Variants in SPMAP2L observed in about 807,000 individuals in gnomAD.
The protein encoded by SPMAP2L is sperm microtubule associated protein 2-like.
chr4:56,536,955 G>T, the SPMAP2L span, among the ~76,000 whole-genome samples: 1 of 152,032 alleles, frequency 6.6e-6, no homozygotes, highest in South Asian at 2.1e-4. Flanking sequence ...GTAGAGACAG[G>T]GTTTCACCAT....
the SPMAP2L span, among the ~76,000 whole-genome samples, chr4:56,547,858 T>A: frequency 6.6e-6 from 1 of 152,198 alleles, no homozygotes; most frequent in Non-Finnish European, 1.5e-5. Context: ...AAACCCAGCT[T>A]ATAAACGAGA....
At chr4:56,592,756 G>A in the SPMAP2L span, among the ~76,000 whole-genome samples, 2 of 152,022 alleles carry the variant, frequency 1.3e-5, no homozygotes, top group Admixed American at 1.3e-4. Flanking sequence ...GGGCGCCGTG[G>A]GGCCGGGACA....
the SPMAP2L span, among the ~76,000 whole-genome samples, chr4:56,588,558 A>G: frequency 1.3e-5 from 2 of 151,928 alleles, no homozygotes; most frequent in African/African-American, 4.8e-5. Flanking sequence ...CAGCCTCCCA[A>G]GTAGCTGGGA....
At chr4:56,578,351 T>A in the SPMAP2L span, among the ~76,000 whole-genome samples, 1 of 151,956 alleles carries the variant, frequency 6.6e-6, no homozygotes. Context: ...TTTTAAAATG[T>A]AATAAAATAA....
the SPMAP2L span, among the ~76,000 whole-genome samples, chr4:56,624,589 G>T: frequency 6.6e-6 from 1 of 152,216 alleles, no homozygotes; most frequent in Non-Finnish European, 1.5e-5. Context: ...CTAGGGACTT[G>T]GTGCTCTGTG....
the SPMAP2L span, chr4:56,595,186 T>A: frequency 6.2e-7 from 1 of 1,611,612 alleles, no homozygotes; most frequent in Non-Finnish European, 8.5e-7. Context: ...GGCCAAGCGA[T>A]TAGAAAAACA....
At chr4:56,563,373 G>A in the SPMAP2L span, among the ~76,000 whole-genome samples, 1 of 151,710 alleles carries the variant, frequency 6.6e-6, no homozygotes, top group African/African-American at 2.4e-5. Context: ...CAAAGTGCTG[G>A]GATTACAGGT....
chr4:56,617,655 C>T, the SPMAP2L span, among the ~76,000 whole-genome samples: 13 of 152,238 alleles, frequency 8.5e-5, no homozygotes, highest in East Asian at 2.5e-3. Context: ...GTTTAGTTGT[C>T]CGGACAACAT....
the SPMAP2L span, among the ~76,000 whole-genome samples, chr4:56,591,591 A>C: frequency 1.3e-5 from 2 of 152,238 alleles, no homozygotes; most frequent in African/African-American, 4.8e-5. Context: ...TAGTATCATC[A>C]TCATCATAAT....
the SPMAP2L span, among the ~76,000 whole-genome samples, chr4:56,617,274 A>G: frequency 2.6e-5 from 4 of 152,234 alleles, no homozygotes; most frequent in Non-Finnish European, 5.9e-5. Context: ...GTAGCTAAAC[A>G]TAGAAAAGGC....
the SPMAP2L span, among the ~76,000 whole-genome samples, chr4:56,554,171 G>A: frequency 6.6e-6 from 1 of 152,046 alleles, no homozygotes; most frequent in African/African-American, 2.4e-5. Context: ...TTCACGTGCA[G>A]GTTTTTTTGG....
the SPMAP2L span, among the ~76,000 whole-genome samples, chr4:56,562,660 G>A: frequency 6.6e-6 from 1 of 151,878 alleles, no homozygotes; most frequent in Non-Finnish European, 1.5e-5. Flanking sequence ...TATTATTTTA[G>A]ACTTTTCCCT....
the SPMAP2L span, among the ~76,000 whole-genome samples, chr4:56,590,978 A>C: frequency 6.6e-6 from 1 of 152,198 alleles, no homozygotes; most frequent in Admixed American, 6.5e-5. Context: ...AATGAATCTC[A>C]CAATACCTTG....
chr4:56,610,140 C>G, the SPMAP2L span, among the ~76,000 whole-genome samples: 1 of 152,092 alleles, frequency 6.6e-6, no homozygotes, highest in African/African-American at 2.4e-5. Flanking sequence ...CCTGCATACC[C>G]AAAGCAGGAC....
the SPMAP2L span, among the ~76,000 whole-genome samples, chr4:56,574,632 T>C: frequency 6.6e-5 from 10 of 152,250 alleles, no homozygotes; most frequent in African/African-American, 2.4e-4. Context: ...AAGGAAGTAT[T>C]TGGTTTTAAA....
chr4:56,554,514 A>G, the SPMAP2L span, among the ~76,000 whole-genome samples: 2 of 152,128 alleles, frequency 1.3e-5, no homozygotes, highest in East Asian at 1.9e-4. Context: ...TAGTTGGGCT[A>G]TTTGTTATTG....
At chr4:56,614,005 A>G in the SPMAP2L span, among the ~76,000 whole-genome samples, 1 of 152,218 alleles carries the variant, frequency 6.6e-6, no homozygotes, top group African/African-American at 2.4e-5. Context: ...TTTATAGCTT[A>G]CTGAGGTAAG....
At chr4:56,545,286 C>CT in the SPMAP2L span, among the ~76,000 whole-genome samples, 1 of 152,044 alleles carries the variant, frequency 6.6e-6, no homozygotes, top group African/African-American at 2.4e-5. Flanking sequence ...TTTCTCTTTC[C>CT]TTGAGTTTTT....
At chr4:56,581,051 C>A in the SPMAP2L span, among the ~76,000 whole-genome samples, 3 of 151,772 alleles carry the variant, frequency 2.0e-5, no homozygotes, top group African/African-American at 7.3e-5. Context: ...TTTGAAGTAC[C>A]AAAAATAGTC....
Sources: gnomAD v4.1 joint callset for allele counts (sites outside exome capture counted in the v4.1 genomes callset) on GRCh38, gnomAD v4.1.1 for gene constraint, MANE v1.5 for transcripts, NCBI Gene and HGNC (gene_info 2026-07-23, HGNC 2026-07-21) for gene names.